YPEL2: variants seen among roughly 807,000 people sequenced by gnomAD.
YPEL2 encodes the protein protein yippee-like 2.
YPEL2 carries 2 observed loss-of-function variants against 19.1 expected under a neutral mutation model. The ratio of observed to expected loss-of-function variants is 0.10; its 90% CI spans 0.04 to 0.33. The LOEUF is 0.33. YPEL2 is among the 10% of genes least tolerant of loss of function. YPEL2 has a pLI of 1.00. For missense variants in YPEL2, 66 were observed against 140.7 expected (o/e 0.47, Z 2.68); for synonymous variants, 52 against 50.0 (o/e 1.04, Z -0.17).
At chr17:59,387,951 G>C (rs996158753) in intron 2 of YPEL2, among the ~76,000 whole-genome samples, 4 of 152,252 alleles carry the variant, frequency 2.6e-5, no homozygotes, top group Non-Finnish European at 4.4e-5. Context: ...TGGGAAAGCT[G>C]TGGCCAGCAC....
chr17:59,392,885 G>A (rs2048015112), intron 4 of YPEL2, among the ~76,000 whole-genome samples: 1 of 151,722 alleles, frequency 6.6e-6, no homozygotes, highest in African/African-American at 2.4e-5. Flanking sequence ...CCTGACCTCA[G>A]GTGATCCCCC....
At chr17:59,384,734 A>G (rs1410616228) in intron 2 of YPEL2, among the ~76,000 whole-genome samples, 2 of 152,198 alleles carry the variant, frequency 1.3e-5, no homozygotes, top group Non-Finnish European at 2.9e-5. Context: ...TGTCTTGCAC[A>G]CCTTGCTGGG....
At chr17:59,371,595 C>T (rs2047897831) in intron 2 of YPEL2, among the ~76,000 whole-genome samples, 1 of 152,168 alleles carries the variant, frequency 6.6e-6, no homozygotes, top group Admixed American at 6.5e-5. Context: ...GACTCCCTGT[C>T]CAGACCTCTC....
At chr17:59,379,943 C>T (rs1315407390) in intron 2 of YPEL2, among the ~76,000 whole-genome samples, 1 of 151,054 alleles carries the variant, frequency 6.6e-6, no homozygotes, top group Non-Finnish European at 1.5e-5. Context: ...TTACTGTAAC[C>T]TCTACCTCCC....
intron 2 of YPEL2, among the ~76,000 whole-genome samples, chr17:59,376,713 T>TA (rs1050037515): frequency 6.6e-6 from 1 of 152,156 alleles, no homozygotes; most frequent in Non-Finnish European, 1.5e-5. Flanking sequence ...CCATGACTGT[T>TA]ATTTCATAAT....
intron 2 of YPEL2, among the ~76,000 whole-genome samples, chr17:59,385,217 G>A (rs1171080740): frequency 6.6e-6 from 1 of 152,172 alleles, no homozygotes; most frequent in Non-Finnish European, 1.5e-5. Context: ...GAATTGTGCT[G>A]AGTGAAAAAA....
At chr17:59,347,027 A>G (rs973423289) in intron 1 of YPEL2, among the ~76,000 whole-genome samples, 1 of 152,220 alleles carries the variant, frequency 6.6e-6, no homozygotes, top group Non-Finnish European at 1.5e-5. Flanking sequence ...ATGGAGGATA[A>G]GGTATAGAGG....
chr17:59,368,620 G>A (rs529103950), intron 2 of YPEL2, among the ~76,000 whole-genome samples: 22 of 152,196 alleles, frequency 1.4e-4, no homozygotes, highest in Non-Finnish European at 2.8e-4. Context: ...CATGACACGA[G>A]GCCAAGTCCA....
At chr17:59,396,996 A>C in intron 4 of YPEL2, 105 bp from the exon 5 acceptor site, 1 of 744,422 alleles carries the variant, frequency 1.3e-6, no homozygotes, top group South Asian at 2.2e-5. Flanking sequence ...GCGTCATTGC[A>C]CTCCAGCCTG....
Position 59,398,508 on chromosome 17 carries a change from TCCGATATCACC to T in YPEL2, c.*1321_*1331del, listed in dbSNP as rs1186191707. ...CAGCAGGGAGGAGTTCTGCCCAAATTCCGATATCACCCCTTCCCCCATCCAAGCATCCTTCG... is the reference window on the plus strand; with the variant it reads ...CAGCAGGGAGGAGTTCTGCCCAAATTCCTTCCCCCATCCAAGCATCCTTCG... On this transcript the variant is annotated 3_prime_UTR_variant, in exon 5 of 5. Coordinates refer to ENST00000312655, the MANE Select transcript of YPEL2 (RefSeq NM_001005404.4). 2 of 152,008 alleles carry T rather than the reference TCCGATATCACC, an allele frequency of 1.3e-5. No individual in the cohort carries two copies. Among genetic ancestry groups the T allele is most frequent in the Non-Finnish European group, 2.9e-5 (2 of 68,060 alleles). The allele number at this position is 152,008 out of a possible 1,614,324, so 9.4% of individuals were successfully genotyped here. A position where few individuals can be genotyped will look rare whatever the true frequency, so the allele number is the denominator to read the frequency against.
intron 4 of YPEL2, among the ~76,000 whole-genome samples, chr17:59,389,940 A>C (rs1359056633): frequency 6.6e-6 from 1 of 152,142 alleles, no homozygotes; most frequent in Non-Finnish European, 1.5e-5. Context: ...AAAGGACGTG[A>C]CCATGTAGTA....
intron 2 of YPEL2, among the ~76,000 whole-genome samples, chr17:59,372,278 A>G (rs1198390709): frequency 6.6e-6 from 1 of 152,214 alleles, no homozygotes. Context: ...AATAGATCTG[A>G]GTAGCACTTC....
chr17:59,360,317 T>C (rs2047834512), intron 2 of YPEL2, among the ~76,000 whole-genome samples: 1 of 152,164 alleles, frequency 6.6e-6, no homozygotes, highest in African/African-American at 2.4e-5. Flanking sequence ...GACTTCAAGT[T>C]ATCTGCCTGC....
intron 2 of YPEL2, among the ~76,000 whole-genome samples, chr17:59,359,224 A>G (rs1304517281): frequency 1.3e-5 from 2 of 152,200 alleles, no homozygotes; most frequent in Admixed American, 6.5e-5. Context: ...GCACCCAGCC[A>G]GTTTGTGTTT....
intron 2 of YPEL2, among the ~76,000 whole-genome samples, chr17:59,366,542 A>G (rs2047870113): frequency 6.6e-6 from 1 of 152,140 alleles, no homozygotes; most frequent in African/African-American, 2.4e-5. Flanking sequence ...GAGCTAGCCC[A>G]GCCGAGTCGG....
chr17:59,380,324 C>T (rs1350620213), intron 2 of YPEL2, among the ~76,000 whole-genome samples: 3 of 138,538 alleles, frequency 2.2e-5, no homozygotes, highest in African/African-American at 8.4e-5. Flanking sequence ...TCTCCCAGGC[C>T]GGAGTGCAGT....
intron 1 of YPEL2, among the ~76,000 whole-genome samples, chr17:59,343,200 A>G (rs540568188): frequency 1.8e-3 from 268 of 152,352 alleles, no homozygotes; most frequent in Admixed American, 2.7e-3. Context: ...CAGATTGGAT[A>G]TTTTAAATGT....
chr17:59,390,688 G>A (rs1343078966), intron 4 of YPEL2, among the ~76,000 whole-genome samples: 1 of 152,220 alleles, frequency 6.6e-6, no homozygotes, highest in Admixed American at 6.5e-5. Flanking sequence ...AGAGTGAGAG[G>A]AGGGAAGGGC....
intron 1 of YPEL2, among the ~76,000 whole-genome samples, chr17:59,340,859 C>T (rs1180791297): frequency 6.6e-5 from 10 of 151,450 alleles, no homozygotes; most frequent in South Asian, 4.2e-4. Context: ...GGATTACAGG[C>T]GTGTGCCACC....
Sources: gnomAD v4.1 joint callset for allele counts (sites outside exome capture counted in the v4.1 genomes callset) on GRCh38, gnomAD v4.1.1 for gene constraint, MANE v1.5 for transcripts, NCBI Gene and HGNC (gene_info 2026-07-23, HGNC 2026-07-21) for gene names.